SLC12A8: variants seen among roughly 807,000 people sequenced by gnomAD.
SLC12A8 encodes the protein solute carrier family 12 member 8.
Under a neutral mutation model 75.6 loss-of-function variants are expected in SLC12A8, and 69 were observed. The observed-to-expected ratio is 0.91, with a 90% confidence interval of 0.75 to 1.11. The LOEUF is 1.11. SLC12A8 is among the 50% of genes most tolerant of loss of function. SLC12A8 has a pLI of 0.00. For missense variants in SLC12A8, 877 were observed against 896.7 expected, an observed-to-expected ratio of 0.98 and a Z score of 0.28; for synonymous variants, 365 against 372.8, an observed-to-expected ratio of 0.98 and a Z score of 0.24.
In SLC12A8 at chr3:125,207,172, G is replaced by A. The variant is rs142978839; in HGVS notation, c.51+4127C>T. Among the ~76,000 whole-genome samples, 1,093 of 152,200 alleles carry A rather than the reference G, an allele frequency of 7.2e-3. 6 individuals carry two copies. Among genetic ancestry groups the A allele is most frequent in the Non-Finnish European group, 0.011 (748 of 68,010 alleles). ...TTGGGCCAGTCACAATGGTTCTGAC[G>A]GGGAGCCTGCTCCCACGGCCTGCAG... is the stretch of plus-strand genomic sequence containing the variant. On this transcript the variant is annotated intron_variant, in intron 2 of 13. Transcript: ENST00000469902.
chr3:125,192,967 G>C (rs1934935785), intron 2 of SLC12A8, among the ~76,000 whole-genome samples: 1 of 152,198 alleles, frequency 6.6e-6, no homozygotes. Context: ...CCAAAACAGA[G>C]AGAAAGGGGA....
chr3:125,173,476 C>CAAAAAAAAAAAAA (rs1934452849), intron 5 of SLC12A8, among the ~76,000 whole-genome samples: 1 of 72,734 alleles, frequency 1.4e-5, no homozygotes, highest in Non-Finnish European at 3.1e-5. Context: ...AAAAAAAAAA[C>CAAAAAAAAAAAAA]CAAAATAACC....
intron 5 of SLC12A8, among the ~76,000 whole-genome samples, chr3:125,142,129 C>T (rs1217918370): frequency 6.6e-6 from 1 of 152,194 alleles, no homozygotes; most frequent in Non-Finnish European, 1.5e-5. Flanking sequence ...CTCACGGAGA[C>T]GGGGATCTGC....
At chr3:125,190,601 G>A (rs1052842664) in intron 2 of SLC12A8, 80 bp from the exon 3 acceptor site, 2 of 1,525,376 alleles carry the variant, frequency 1.3e-6, no homozygotes, top group Non-Finnish European at 1.8e-6. Context: ...CAGGAGGAGG[G>A]AGGTAGGAGA....
intron 8 of SLC12A8, among the ~76,000 whole-genome samples, chr3:125,114,271 C>T (rs1263869096): frequency 2.0e-5 from 3 of 152,098 alleles, no homozygotes; most frequent in Non-Finnish European, 4.4e-5. Context: ...GCTGAGTGGC[C>T]CACTAGGCTC....
chr3:125,186,692 C>T (rs542090571), intron 4 of SLC12A8, among the ~76,000 whole-genome samples: 1 of 152,374 alleles, frequency 6.6e-6, no homozygotes, highest in Admixed American at 6.5e-5. Flanking sequence ...TCCGTCCATT[C>T]TGATGAAGCA....
chr3:125,205,762 C>G (rs562370154), intron 2 of SLC12A8, among the ~76,000 whole-genome samples: 3 of 152,118 alleles, frequency 2.0e-5, no homozygotes, highest in African/African-American at 7.2e-5. Flanking sequence ...GCATTTGGTC[C>G]CTTCCAAAGA....
intron 3 of SLC12A8, among the ~76,000 whole-genome samples, chr3:125,189,488 CTGT>C (rs1934866385): frequency 6.6e-6 from 1 of 152,232 alleles, no homozygotes; most frequent in South Asian, 2.1e-4. Flanking sequence ...CACTCATAGC[CTGT>C]TCCACCCCAA....
intron 5 of SLC12A8, among the ~76,000 whole-genome samples, chr3:125,139,312 A>T (rs1933570815): frequency 6.6e-6 from 1 of 152,186 alleles, no homozygotes; most frequent in Admixed American, 6.5e-5. Context: ...TTATTCAGAG[A>T]GAATTTTCTA....
In SLC12A8 at chr3:125,083,766, C is replaced by A; in HGVS notation, c.*124G>T. 3.2e-6 allele frequency: 3 copies of A among 933,408 alleles called. No individual in the cohort carries two copies. The highest frequency in any genetic ancestry group is 2.8e-5 in the East Asian group (1 of 36,162). 57.8% of individuals were successfully genotyped at this position (933,408 alleles called of 1,614,324 possible). A position where few individuals can be genotyped will look rare whatever the true frequency, so the allele number is the denominator to read the frequency against. ...AAAGAAAATGTAGATTTCCATTGTC[C>A]AAAGTGACAGCGGGAGGATGGGTCT... On this transcript the variant is annotated 3_prime_UTR_variant, in exon 14 of 14. Transcript: ENST00000469902.
intron 10 of SLC12A8, among the ~76,000 whole-genome samples, chr3:125,097,238 A>T (rs1486022154): frequency 6.6e-6 from 1 of 151,834 alleles, no homozygotes; most frequent in Non-Finnish European, 1.5e-5. Flanking sequence ...AAATACAAAA[A>T]ATTAGCTGGG....
chr3:125,105,789 G>T (rs1939006823), intron 10 of SLC12A8, among the ~76,000 whole-genome samples: 2 of 152,158 alleles, frequency 1.3e-5, no homozygotes, highest in Admixed American at 6.5e-5. Flanking sequence ...CAGCACTTTG[G>T]GAGGCTGAGG....
At chr3:125,175,579 C>T (rs74559716) in intron 5 of SLC12A8, among the ~76,000 whole-genome samples, 290 of 152,282 alleles carry the variant, frequency 1.9e-3, no homozygotes, top group African/African-American at 6.8e-3. Context: ...GCCAGTAGCA[C>T]GGCCTTGCAA....
In SLC12A8 at chr3:125,181,590, A is replaced by G. The variant is rs540917280; in HGVS notation, c.391-3616T>C. On this transcript the variant is annotated intron_variant, in intron 4 of 13. Transcript: ENST00000469902. Reference sequence around the variant, plus strand: ...CAGTCCGCAGTCCGGCCTGGGCGACAGAGCGAGACTCCGTCTCAAAAAAAA... The same window carrying G: ...CAGTCCGCAGTCCGGCCTGGGCGACGGAGCGAGACTCCGTCTCAAAAAAAA... Among the ~76,000 whole-genome samples the G allele has an allele frequency of 1.8e-4, 25 of 136,824 alleles. No individual in the cohort carries two copies. The South Asian group carries it at 4.2e-3, about 23-fold the overall frequency. 89.8% of individuals were successfully genotyped at this position (136,824 alleles called of 152,430 possible). A position where few individuals can be genotyped will look rare whatever the true frequency, so the allele number is the denominator to read the frequency against.
At chr3:125,187,537 C>T (rs1327117469) in intron 3 of SLC12A8, 109 bp from the exon 4 acceptor site, 1 of 983,994 alleles carries the variant, frequency 1.0e-6, no homozygotes, top group Non-Finnish European at 1.6e-6. Flanking sequence ...GGAATAGGGG[C>T]CAGGGGTGGG....
intron 8 of SLC12A8, among the ~76,000 whole-genome samples, chr3:125,111,393 C>T (rs1465569264): frequency 6.6e-6 from 1 of 152,186 alleles, no homozygotes; most frequent in Non-Finnish European, 1.5e-5. Flanking sequence ...TGCATGACTG[C>T]TTGCCATGCA....
chr3:125,091,347 G>A, intron 12 of SLC12A8, 92 bp downstream of exon 12: 2 of 822,310 alleles, frequency 2.4e-6, no homozygotes, highest in Middle Eastern at 2.6e-4. Flanking sequence ...CTGAATCAGT[G>A]TTGGCATTCA....
intron 10 of SLC12A8, among the ~76,000 whole-genome samples, chr3:125,103,609 C>T (rs1261576084): frequency 6.6e-6 from 1 of 152,022 alleles, no homozygotes; most frequent in African/African-American, 2.4e-5. Flanking sequence ...GAACTACAGG[C>T]ATGTGTCATC....
At chr3:125,176,359 C>T (rs188510495) in intron 5 of SLC12A8, among the ~76,000 whole-genome samples, 3 of 152,306 alleles carry the variant, frequency 2.0e-5, no homozygotes, top group Admixed American at 2.0e-4. Flanking sequence ...GCATGAGCCA[C>T]TGTGCCTGGC....
Sources: allele counts gnomAD v4.1 joint callset (sites outside exome capture counted in the v4.1 genomes callset), GRCh38; gene constraint gnomAD v4.1.1; transcripts MANE v1.5; gene names NCBI Gene and HGNC (gene_info 2026-07-23, HGNC 2026-07-21).